Variants in RARB observed in about 807,000 individuals in gnomAD.
The protein encoded by RARB is retinoic acid receptor beta.
In RARB, 17 loss-of-function variants were observed where a neutral mutation model predicts 51.9. The ratio of observed to expected loss-of-function variants is 0.33; its 90% CI spans 0.22 to 0.49. RARB has a LOEUF of 0.49. Among genes scored for constraint, RARB ranks in the 20% least tolerant of loss-of-function variants. The pLI is 0.99. For missense variants in RARB, 369 were observed against 550.8 expected, an observed-to-expected ratio of 0.67 and a Z score of 3.30; for synonymous variants, 215 against 195.4, an observed-to-expected ratio of 1.10 and a Z score of -0.84.
At chr3:25,262,104 A>G (rs569094327) in intron 5 of RARB, among the ~76,000 whole-genome samples, 33 of 152,244 alleles carry the variant, frequency 2.2e-4, no homozygotes, top group African/African-American at 7.7e-4. Flanking sequence ...GAAGCTCTCT[A>G]TGACTAAACC....
intron 2 of RARB, among the ~76,000 whole-genome samples, chr3:25,002,758 G>GTATATATA (rs57131226): frequency 1.1e-3 from 144 of 125,218 alleles, no homozygotes; most frequent in African/African-American, 4.7e-3. Flanking sequence ...CTGTGTGTGT[G>GTATATATA]TGTATATATA....
intron 2 of RARB, chr3:25,020,081 G>C (rs1018430812): frequency 6.6e-6 from 1 of 150,768 alleles, no homozygotes; most frequent in African/African-American, 2.4e-5. Context: ...AGAATAAAAG[G>C]TACAGATGTA....
intron 5 of RARB, among the ~76,000 whole-genome samples, chr3:25,378,042 G>T (rs1395201945): frequency 6.6e-6 from 1 of 152,130 alleles, no homozygotes; most frequent in East Asian, 1.9e-4. Context: ...TGGAACATAA[G>T]AGTTCATCAT....
chr3:25,307,112 C>T (rs528672196), intron 5 of RARB, among the ~76,000 whole-genome samples: 71 of 152,222 alleles, frequency 4.7e-4, no homozygotes, highest in African/African-American at 1.5e-3. Context: ...AGATCAGGTG[C>T]GATGGCTCAT....
chr3:25,021,320 C>A (rs1282630045), intron 2 of RARB, among the ~76,000 whole-genome samples: 1 of 152,096 alleles, frequency 6.6e-6, no homozygotes, highest in Non-Finnish European at 1.5e-5. Flanking sequence ...TCTGGTATTA[C>A]CTGAGAAAGT....
At chr3:25,230,605 A>C (rs1386633829) in intron 5 of RARB, among the ~76,000 whole-genome samples, 1 of 152,016 alleles carries the variant, frequency 6.6e-6, no homozygotes, top group African/African-American at 2.4e-5. Context: ...ACGATGTGTC[A>C]GGCATTCTTA....
intron 3 of RARB, among the ~76,000 whole-genome samples, chr3:25,099,744 T>C (rs990081945): frequency 2.6e-5 from 4 of 152,108 alleles, no homozygotes; most frequent in African/African-American, 9.7e-5. Flanking sequence ...TTGCTGTCCT[T>C]TTTCGGTTTT....
At chr3:25,580,403 TAA>T in intron 4 of RARB, 141 bp from the exon 5 acceptor site, 2 of 747,650 alleles carry the variant, frequency 2.7e-6, no homozygotes, top group Non-Finnish European at 4.1e-6. Flanking sequence ...GAATCCAGGC[TAA>T]AAAAAATGTA....
chr3:24,857,574 G>A (rs1206285347), intron 1 of RARB, among the ~76,000 whole-genome samples: 4 of 152,110 alleles, frequency 2.6e-5, no homozygotes, highest in Admixed American at 6.5e-5. Context: ...TCAGCATCCC[G>A]TATTTTTACT....
chr3:25,332,759 T>C (rs920799426), intron 5 of RARB, among the ~76,000 whole-genome samples: 18 of 152,196 alleles, frequency 1.2e-4, no homozygotes, highest in African/African-American at 4.3e-4. Flanking sequence ...GATGACATGA[T>C]TGTATATTTA....
chr3:24,897,752 C>CTTTTTTTTTTTT (rs11280403), intron 2 of RARB, among the ~76,000 whole-genome samples: 1 of 145,106 alleles, frequency 6.9e-6, no homozygotes, highest in Non-Finnish European at 1.5e-5. Flanking sequence ...TGCTCTGAGG[C>CTTTTTTTTTTTT]TTTTTTTTTT....
intron 3 of RARB, among the ~76,000 whole-genome samples, chr3:25,060,454 G>A (rs1016073351): frequency 6.6e-6 from 1 of 151,698 alleles, no homozygotes; most frequent in Non-Finnish European, 1.5e-5. Context: ...AACTATAAGG[G>A]GCCAGATAGT....
intron 2 of RARB, among the ~76,000 whole-genome samples, chr3:25,003,404 TAAATA>T (rs1282301578): frequency 3.3e-5 from 5 of 152,140 alleles, no homozygotes; most frequent in African/African-American, 2.4e-5. Context: ...ATTTTATTAT[TAAATA>T]AAATATAATG....
chr3:25,574,631 G>A (rs566022474), intron 4 of RARB, among the ~76,000 whole-genome samples: 2 of 152,334 alleles, frequency 1.3e-5, no homozygotes, highest in African/African-American at 4.8e-5. Context: ...GGGCCTGGCG[G>A]GAGGTAAGCT....
chr3:25,242,154 GT>G (rs568737408), intron 5 of RARB, among the ~76,000 whole-genome samples: 2 of 150,726 alleles, frequency 1.3e-5, no homozygotes, highest in East Asian at 2.0e-4. Context: ...TTTCAATGAG[GT>G]TTTTTTTTCT....
intron 5 of RARB, among the ~76,000 whole-genome samples, chr3:25,305,795 A>G (rs1704140414): frequency 6.6e-6 from 1 of 152,214 alleles, no homozygotes; most frequent in African/African-American, 2.4e-5. Context: ...GGTATAAAAA[A>G]TAAGGAAAAG....
At chr3:25,356,065 G>T (rs1025625033) in intron 5 of RARB, among the ~76,000 whole-genome samples, 2 of 151,964 alleles carry the variant, frequency 1.3e-5, no homozygotes, top group East Asian at 1.9e-4. Flanking sequence ...AGTAAAGATC[G>T]CTGATTACAA....
chr3:25,449,820 C>T (rs972805734), intron 1 of RARB, among the ~76,000 whole-genome samples: 1 of 151,326 alleles, frequency 6.6e-6, no homozygotes, highest in Non-Finnish European at 1.5e-5. Flanking sequence ...GGTGCGATCT[C>T]GGCTCACTGC....
intron 5 of RARB, among the ~76,000 whole-genome samples, chr3:25,404,194 G>A (rs1575376219): frequency 1.3e-5 from 2 of 152,146 alleles, no homozygotes. Flanking sequence ...AGTGCTCTTT[G>A]TTACTTCATT....
Sources: allele counts gnomAD v4.1 joint callset (sites outside exome capture counted in the v4.1 genomes callset), GRCh38; gene constraint gnomAD v4.1.1; transcripts MANE v1.5; gene names NCBI Gene and HGNC (gene_info 2026-07-23, HGNC 2026-07-21).